PIP5K1B: variants seen among roughly 807,000 people sequenced by gnomAD.
PIP5K1B encodes the protein phosphatidylinositol 4-phosphate 5-kinase type-1 beta.
PIP5K1B carries 42 observed loss-of-function variants against 67.0 expected under a neutral mutation model. The ratio of observed to expected loss-of-function variants is 0.63; its 90% CI spans 0.49 to 0.81. The LOEUF is 0.81. Ranked by LOEUF, PIP5K1B falls within the 30% of genes least tolerant of loss-of-function variation. PIP5K1B has a pLI of 0.00. For synonymous variants in PIP5K1B, 214 were observed against 231.4 expected (o/e 0.92, Z 0.68); for missense variants, 459 against 646.3 (o/e 0.71, Z 3.14).
At chr9:68,805,853 G>A (rs1832847878) in intron 2 of PIP5K1B, among the ~76,000 whole-genome samples, 1 of 152,238 alleles carries the variant, frequency 6.6e-6, no homozygotes, top group African/African-American at 2.4e-5. Flanking sequence ...TGAATGGATT[G>A]TGAAGATACA....
At chr9:68,901,533 A>G (rs1242125396) in intron 8 of PIP5K1B, among the ~76,000 whole-genome samples, 6 of 152,236 alleles carry the variant, frequency 3.9e-5, no homozygotes, top group Non-Finnish European at 8.8e-5. Flanking sequence ...TGCTGGGATT[A>G]CAGGTGTGAA....
chr9:68,761,172 A>G (rs542466124), intron 2 of PIP5K1B, among the ~76,000 whole-genome samples: 12 of 152,122 alleles, frequency 7.9e-5, no homozygotes, highest in Non-Finnish European at 1.6e-4. Context: ...GGAGTGGACC[A>G]GATGTTCCTC....
chr9:68,965,258 C>T (rs1828961385), intron 14 of PIP5K1B, among the ~76,000 whole-genome samples: 1 of 152,130 alleles, frequency 6.6e-6, no homozygotes, highest in South Asian at 2.1e-4. Context: ...GATACATATT[C>T]TATGACTCAA....
chr9:68,884,665 T>TAAAAAAAAAAAAA (rs71353087), intron 6 of PIP5K1B, among the ~76,000 whole-genome samples: 2 of 133,408 alleles, frequency 1.5e-5, no homozygotes, highest in African/African-American at 5.7e-5. Context: ...ACCTTGTCTT[T>TAAAAAAAAAAAAA]AAAAAAAAAA....
At chr9:68,744,969 C>T (rs939426918) in intron 2 of PIP5K1B, among the ~76,000 whole-genome samples, 1 of 152,190 alleles carries the variant, frequency 6.6e-6, no homozygotes, top group African/African-American at 2.4e-5. Flanking sequence ...TGTACATATG[C>T]TCATGGTGTG....
chr9:68,747,248 A>G (rs936110624), intron 2 of PIP5K1B, among the ~76,000 whole-genome samples: 1 of 147,942 alleles, frequency 6.8e-6, no homozygotes, highest in African/African-American at 2.5e-5. Flanking sequence ...CTTATCTCGT[A>G]TGTGCACATT....
At chr9:68,781,220 A>G (rs1831254181) in intron 2 of PIP5K1B, 2 of 687,180 alleles carry the variant, frequency 2.9e-6, no homozygotes, top group Non-Finnish European at 4.9e-6. Context: ...AATTCAGTGT[A>G]GTAATATTTT....
intron 14 of PIP5K1B, among the ~76,000 whole-genome samples, chr9:68,946,119 A>G (rs998679657): frequency 1.3e-5 from 2 of 152,248 alleles, no homozygotes; most frequent in Admixed American, 6.5e-5. Flanking sequence ...AGAAAATCCT[A>G]TATCTTCTGT....
At chr9:68,910,640 T>C (rs1825806034) in intron 8 of PIP5K1B, among the ~76,000 whole-genome samples, 1 of 152,230 alleles carries the variant, frequency 6.6e-6, no homozygotes. Flanking sequence ...ATACAAAGAA[T>C]ATAGGTGTAA....
intron 15 of PIP5K1B, 84 bp downstream of exon 15, chr9:68,991,341 A>T: frequency 1.3e-6 from 1 of 752,832 alleles, no homozygotes; most frequent in South Asian, 1.5e-5. Context: ...CAAGTTCAAT[A>T]AAACCAGGCA....
chr9:68,710,468 T>C (rs1175806402), intron 1 of PIP5K1B, among the ~76,000 whole-genome samples: 2 of 152,214 alleles, frequency 1.3e-5, no homozygotes, highest in Admixed American at 6.5e-5. Flanking sequence ...TGACAGAGAA[T>C]TGTATTCAGT....
At chr9:68,814,884 G>A (rs7019684) in intron 2 of PIP5K1B, among the ~76,000 whole-genome samples, 28,876 of 151,962 alleles carry the variant, frequency 0.19, 2,786 homozygotes, top group East Asian at 0.24. Flanking sequence ...ATACAGGTTC[G>A]TATTTGTATA....
intron 5 of PIP5K1B, among the ~76,000 whole-genome samples, chr9:68,866,404 C>T (rs907576107): frequency 3.3e-5 from 5 of 150,954 alleles, no homozygotes; most frequent in African/African-American, 7.3e-5. Context: ...AAGTGATACA[C>T]GTGTGTGTGT....
intron 7 of PIP5K1B, 80 bp downstream of exon 7, chr9:68,889,213 A>G (rs1587621437): frequency 1.0e-6 from 1 of 1,000,190 alleles, no homozygotes; most frequent in Non-Finnish European, 1.5e-6. Flanking sequence ...TGTTTTTTTC[A>G]GTGACTCAGG....
intron 2 of PIP5K1B, among the ~76,000 whole-genome samples, chr9:68,795,847 T>A (rs1832261561): frequency 6.6e-6 from 1 of 152,210 alleles, no homozygotes; most frequent in Non-Finnish European, 1.5e-5. Flanking sequence ...ATCAACCTTG[T>A]TCTATAATTA....
intron 8 of PIP5K1B, among the ~76,000 whole-genome samples, chr9:68,899,433 G>A (rs1825250833): frequency 6.6e-6 from 1 of 150,670 alleles, no homozygotes; most frequent in South Asian, 2.1e-4. Flanking sequence ...ATATGTATTT[G>A]AACAGAGGAA....
chr9:68,955,023 C>T (rs1408204275), intron 14 of PIP5K1B, among the ~76,000 whole-genome samples: 1 of 151,006 alleles, frequency 6.6e-6, no homozygotes, highest in African/African-American at 2.4e-5. Flanking sequence ...CAATAGAAAG[C>T]AAATGGTATT....
At chr9:68,845,716 AGAAAGTGTGTAGGG>A (rs1822153856) in intron 4 of PIP5K1B, among the ~76,000 whole-genome samples, 1 of 152,330 alleles carries the variant, frequency 6.6e-6, no homozygotes, top group South Asian at 2.1e-4. Context: ...GTTCTAAAAG[AGAAAGTGTGTAGGG>A]GGGAAAATAG....
chr9:68,811,901 A>C (rs1362881881), intron 2 of PIP5K1B, among the ~76,000 whole-genome samples: 1 of 152,174 alleles, frequency 6.6e-6, no homozygotes, highest in African/African-American at 2.4e-5. Flanking sequence ...GCGTGCTGAA[A>C]ATACTGACTC....
Sources: allele counts gnomAD v4.1 joint callset (sites outside exome capture counted in the v4.1 genomes callset), GRCh38; gene constraint gnomAD v4.1.1; transcripts MANE v1.5; gene names NCBI Gene and HGNC (gene_info 2026-07-23, HGNC 2026-07-21).